Variants in SH2D4A observed in about 807,000 individuals in gnomAD.
The protein encoded by SH2D4A is SH2 domain-containing protein 4A.
Under a neutral mutation model 64.7 loss-of-function variants are expected in SH2D4A, and 70 were observed. The observed-to-expected ratio is 1.08, with a 90% CI of 0.89 to 1.32. The LOEUF (loss-of-function observed/expected upper bound fraction) is 1.32, where lower values mean the gene tolerates loss of function less well. Ranked by LOEUF, SH2D4A falls within the 40% of genes most tolerant of loss-of-function variation. The pLI is 0.00. For synonymous variants in SH2D4A, 268 were observed against 200.7 expected (o/e 1.34, Z -2.83); for missense variants, 706 against 540.1 (o/e 1.31, Z -3.04).
Position 19,357,221 on chromosome 8 carries a change from A to G in SH2D4A, c.532A>G (p.Arg178Gly). Residue 178 changes from arginine to glycine, a missense_variant, in exon 5 of 10, where the codon AGA (arginine) becomes GGA (glycine). By Grantham distance (125) the Arg-to-Gly change is moderately radical. Coordinates refer to ENST00000265807, the MANE Select transcript of SH2D4A (RefSeq NM_022071.4). ...EKIRSLSSSS[R>G]NIQQMLADSI... Reference sequence around the variant, plus strand: ...TTTTTAGTCACTCTCCAGTTCTTCAAGAAATATTCAACAAATGTTGGCAGA... The same window carrying G: ...TTTTTAGTCACTCTCCAGTTCTTCAGGAAATATTCAACAAATGTTGGCAGA... 6.2e-7 allele frequency: 1 copy of G among 1,613,938 alleles called. No individual in the cohort carries two copies. The highest frequency in any genetic ancestry group is 8.5e-7 in the Non-Finnish European group (1 of 1,179,762).
At chr8:19,348,786 A>T (rs1310922362) in intron 4 of SH2D4A, among the ~76,000 whole-genome samples, 2 of 152,220 alleles carry the variant, frequency 1.3e-5, no homozygotes, top group Non-Finnish European at 2.9e-5. Flanking sequence ...TAACACTTTA[A>T]GGTGATTTAA....
intron 4 of SH2D4A, among the ~76,000 whole-genome samples, chr8:19,340,627 A>G (rs2052516352): frequency 1.7e-5 from 2 of 120,360 alleles, no homozygotes; most frequent in African/African-American, 6.5e-5. Context: ...TTTTTTTGAG[A>G]CAGGGTCTTG....
At chr8:19,352,618 G>T (rs1055247512) in intron 4 of SH2D4A, among the ~76,000 whole-genome samples, 1 of 152,192 alleles carries the variant, frequency 6.6e-6, no homozygotes, top group African/African-American at 2.4e-5. Flanking sequence ...ATGCGTAAGA[G>T]CATACATATG....
rs150689454 is a variant in SH2D4A, at chr8:19,323,739, A to G, written c.181+4011A>G. Among the ~76,000 whole-genome samples, 1,154 of 152,258 alleles carry G rather than the reference A, an allele frequency of 7.6e-3. 10 individuals carry two copies. Among genetic ancestry groups the G allele is most frequent in the African/African-American group, 0.026 (1,100 of 41,540 alleles). On this transcript the variant is annotated intron_variant, in intron 2 of 9. Transcript: ENST00000265807. ...AGTGATAGTTATGGATGTGGTACACATTTCTGCATGCTATAATGGTAGCAC... is the reference window on the plus strand; with the variant it reads ...AGTGATAGTTATGGATGTGGTACACGTTTCTGCATGCTATAATGGTAGCAC...
chr8:19,357,273 C>A lies in SH2D4A; in HGVS notation c.584C>A (p.Ala195Glu). The A allele has an allele frequency of 6.2e-7, 1 of 1,612,744 alleles. No homozygotes were observed. The highest frequency in any genetic ancestry group is 8.5e-7 in the Non-Finnish European group (1 of 1,178,754). Residue 195 changes from alanine to glutamate, a missense_variant, in exon 5 of 10, where the codon GCA becomes GAA. Transcript: ENST00000265807. Reference sequence around the variant, plus strand: ...TCAATCAATCGTATGAAGGCATATGCATTTCACCAGGTAAAAGACTTCCCT... The same window carrying A: ...TCAATCAATCGTATGAAGGCATATGAATTTCACCAGGTAAAAGACTTCCCT... ...ADSINRMKAY[A>E]FHQKKESMKK... is the part of the protein sequence containing the mutation.
rs2053571578 is a variant in SH2D4A, at chr8:19,395,359, T to C, written c.*717T>C. ...AAGCATCTGTACATGTATTTTTTTA[T>C]TTTTTATCAGAAGTGCTTAGACAAG... On this transcript the variant is annotated 3_prime_UTR_variant, in exon 10 of 10. Coordinates refer to ENST00000265807, the MANE Select transcript of SH2D4A (RefSeq NM_022071.4). The C allele has an allele frequency of 6.6e-6, 1 of 152,176 alleles. No individual in the cohort carries two copies. Among genetic ancestry groups the C allele is most frequent in the Non-Finnish European group, 1.5e-5 (1 of 68,020 alleles). The allele number at this position is 152,176 out of a possible 1,614,324, so 9.4% of individuals were successfully genotyped here.
chr8:19,378,281 G>A (rs1423726655), intron 8 of SH2D4A, among the ~76,000 whole-genome samples: 1 of 152,046 alleles, frequency 6.6e-6, no homozygotes, highest in African/African-American at 2.4e-5. Flanking sequence ...ATTTCAATGA[G>A]GTTAAATTTA....
At chr8:19,373,426 GTA>G (rs2053137894) in intron 7 of SH2D4A, 102 bp from the exon 8 acceptor site, 1 of 712,130 alleles carries the variant, frequency 1.4e-6, no homozygotes, top group Non-Finnish European at 2.0e-6. Flanking sequence ...ATATATGCAT[GTA>G]TATGTATGTG....
At chr8:19,331,888 A>G (rs2052369554) in intron 2 of SH2D4A, among the ~76,000 whole-genome samples, 1 of 152,230 alleles carries the variant, frequency 6.6e-6, no homozygotes, top group South Asian at 2.1e-4. Context: ...TTTGAACTCA[A>G]GGTGGTCTAA....
chr8:19,313,910 G>A (rs1439935160), intron 1 of SH2D4A, 87 bp downstream of exon 1: 7 of 1,327,124 alleles, frequency 5.3e-6, no homozygotes, highest in Non-Finnish European at 6.7e-6. Flanking sequence ...AGGTTGCATG[G>A]GTGCATGGGA....
chr8:19,392,388 A>T (rs1433817133), intron 8 of SH2D4A, among the ~76,000 whole-genome samples: 1 of 152,178 alleles, frequency 6.6e-6, no homozygotes, highest in Admixed American at 6.5e-5. Flanking sequence ...CACTACTGCT[A>T]TCTGGGGCTG....
chr8:19,376,106 C>A (rs1205475222), intron 8 of SH2D4A, among the ~76,000 whole-genome samples: 1 of 152,104 alleles, frequency 6.6e-6, no homozygotes, highest in African/African-American at 2.4e-5. Context: ...AATTGACTCA[C>A]GTGATTACAG....
intron 7 of SH2D4A, among the ~76,000 whole-genome samples, chr8:19,371,610 T>G (rs967718786): frequency 3.9e-5 from 6 of 152,190 alleles, no homozygotes; most frequent in African/African-American, 1.4e-4. Flanking sequence ...ATTAATTTTT[T>G]TCCAGGTTTG....
chr8:19,381,931 G>T (rs922526561), intron 8 of SH2D4A, among the ~76,000 whole-genome samples: 3 of 151,704 alleles, frequency 2.0e-5, no homozygotes, highest in Non-Finnish European at 4.4e-5. Flanking sequence ...CTGTTAATAC[G>T]GTGTGTTACA....
At chr8:19,322,924 C>G (rs189330123) in intron 2 of SH2D4A, among the ~76,000 whole-genome samples, 340 of 152,246 alleles carry the variant, frequency 2.2e-3, no homozygotes, top group African/African-American at 7.9e-3. Flanking sequence ...ATCCACCCAC[C>G]TCCGCCTCCC....
At chr8:19,329,516 G>T (rs2052337959) in intron 2 of SH2D4A, among the ~76,000 whole-genome samples, 1 of 152,120 alleles carries the variant, frequency 6.6e-6, no homozygotes, top group Non-Finnish European at 1.5e-5. Flanking sequence ...TAGAATGTTA[G>T]TTTCCTGAGG....
chr8:19,356,571 A>G (rs1432646487), intron 4 of SH2D4A, among the ~76,000 whole-genome samples: 1 of 152,210 alleles, frequency 6.6e-6, no homozygotes, highest in African/African-American at 2.4e-5. Context: ...TTGTGATGCC[A>G]GAGGGTTGGC....
chr8:19,373,007 TC>T (rs1271963679), intron 7 of SH2D4A, among the ~76,000 whole-genome samples: 1 of 152,142 alleles, frequency 6.6e-6, no homozygotes, highest in Admixed American at 6.6e-5. Context: ...ATACCTGCTT[TC>T]CAGGAAAATG....
At chr8:19,353,325 A>G (rs2052736455) in intron 4 of SH2D4A, among the ~76,000 whole-genome samples, 1 of 149,780 alleles carries the variant, frequency 6.7e-6, no homozygotes, top group South Asian at 2.1e-4. Flanking sequence ...ACCCTCTGAT[A>G]TTGCCATCAT....
Sources: allele counts gnomAD v4.1 joint callset (sites outside exome capture counted in the v4.1 genomes callset), GRCh38; gene constraint gnomAD v4.1.1; transcripts MANE v1.5; gene names NCBI Gene and HGNC (gene_info 2026-07-23, HGNC 2026-07-21).